The following AGMO variants were observed in gnomAD, a reference collection of about 807,000 sequenced individuals.
AGMO encodes the protein glyceryl-ether monooxygenase.
Under a neutral mutation model 60.2 loss-of-function variants are expected in AGMO, and 75 were observed. The ratio of observed to expected loss-of-function variants is 1.25; its 90% CI spans 1.03 to 1.51. The LOEUF (loss-of-function observed/expected upper bound fraction) is 1.51. AGMO is among the 40% of genes most tolerant of loss of function. AGMO has a pLI of 0.00. For synonymous variants in AGMO, 261 were observed against 177.1 expected, an observed-to-expected ratio of 1.47 and a Z score of -3.76; for missense variants, 763 against 525.5, an observed-to-expected ratio of 1.45 and a Z score of -4.42.
At chr7:15,233,256 T>C (rs1159295559) in intron 12 of AGMO, among the ~76,000 whole-genome samples, 1 of 152,184 alleles carries the variant, frequency 6.6e-6, no homozygotes, top group East Asian at 1.9e-4. Context: ...CATGTTAAAA[T>C]CTGTAAGGTA....
At chr7:15,544,011 A>G (rs1370962154) in intron 3 of AGMO, among the ~76,000 whole-genome samples, 1 of 152,078 alleles carries the variant, frequency 6.6e-6, no homozygotes, top group Non-Finnish European at 1.5e-5. Context: ...AAAATGTGGT[A>G]TATATTTAGC....
intron 3 of AGMO, among the ~76,000 whole-genome samples, chr7:15,449,935 A>T (rs1357562921): frequency 2.6e-5 from 4 of 152,224 alleles, no homozygotes; most frequent in Non-Finnish European, 5.9e-5. Context: ...CTTAAATCAC[A>T]TTTTAAGAGC....
rs541448322 is a variant in AGMO, at chr7:15,413,547, G to A, written c.609+5011C>T. ...AGTCAAACTGCTAATATTTTAAAAG[G>A]AAGAGAAAAATTTTGTAAACATCTA... On this transcript the variant is annotated intron_variant, in intron 5 of 12. Transcript: ENST00000342526. 6.0e-4 allele frequency among the ~76,000 whole-genome samples: 92 copies of A among 152,112 alleles called. 1 individual carries two copies. In the Middle Eastern group the frequency reaches 0.021, roughly 34 times the overall value.
chr7:15,273,484 T>TCTGTTTTGGTAACAGTACCATG (rs1783679839), intron 12 of AGMO, among the ~76,000 whole-genome samples: 1 of 152,164 alleles, frequency 6.6e-6, no homozygotes, highest in Non-Finnish European at 1.5e-5. Context: ...GGTCTGTATC[T>TCTGTTTTGGTAACAGTACCATG]CTGTTTTGGT....
At position 15,371,051 on chromosome 7, in the gene AGMO, T is replaced by TGG. The variant is rs1203962438; in HGVS notation, c.1075-4831_1075-4830dup. 2.0e-5 allele frequency among the ~76,000 whole-genome samples: 3 copies of TGG among 152,158 alleles called. No individual in the cohort carries two copies. The East Asian group carries it at 5.8e-4, about 29-fold the overall frequency. ...ATTCAGTAAGTGGTAGAGGGATAGC[T>TGG]GGCTAGCCATATGCAGAAGAATGAA... On this transcript the variant is annotated intron_variant, in intron 10 of 12. Coordinates refer to ENST00000342526, the MANE Select transcript of AGMO (RefSeq NM_001004320.2).
chr7:15,264,544 G>T (rs1193756334), intron 12 of AGMO, among the ~76,000 whole-genome samples: 1 of 151,796 alleles, frequency 6.6e-6, no homozygotes, highest in Non-Finnish European at 1.5e-5. Flanking sequence ...TCTGACAAAG[G>T]TCTAATATCC....
intron 12 of AGMO, among the ~76,000 whole-genome samples, chr7:15,352,721 T>G (rs1208695258): frequency 8.6e-5 from 13 of 151,764 alleles, no homozygotes; most frequent in Non-Finnish European, 1.9e-4. Flanking sequence ...GTTGACGGTC[T>G]GCCAAATATC....
At chr7:15,450,049 T>A (rs1220942379) in intron 3 of AGMO, among the ~76,000 whole-genome samples, 1 of 152,246 alleles carries the variant, frequency 6.6e-6, no homozygotes, top group Non-Finnish European at 1.5e-5. Context: ...ATCATGCAAC[T>A]TGGTTATTTA....
intron 12 of AGMO, among the ~76,000 whole-genome samples, chr7:15,246,435 A>C (rs1324582433): frequency 2.0e-5 from 3 of 152,180 alleles, no homozygotes; most frequent in Non-Finnish European, 4.4e-5. Context: ...ATTTTTTAAA[A>C]AATTGCCATT....
intron 3 of AGMO, among the ~76,000 whole-genome samples, chr7:15,495,453 A>G (rs1002058431): frequency 1.3e-5 from 2 of 152,176 alleles, no homozygotes; most frequent in African/African-American, 4.8e-5. Flanking sequence ...ATGCCCAGGT[A>G]GTCTTACTAA....
intron 12 of AGMO, among the ~76,000 whole-genome samples, chr7:15,227,023 C>T (rs1394238725): frequency 6.6e-6 from 1 of 151,956 alleles, no homozygotes; most frequent in Non-Finnish European, 1.5e-5. Context: ...CTTGAAAAAT[C>T]CAGACAAACG....
chr7:15,291,208 T>C (rs984951551), intron 12 of AGMO, among the ~76,000 whole-genome samples: 1 of 152,222 alleles, frequency 6.6e-6, no homozygotes, highest in Admixed American at 6.5e-5. Flanking sequence ...AAAATGTTTG[T>C]GGTTAAGTCT....
At chr7:15,238,649 T>G (rs1782497265) in intron 12 of AGMO, among the ~76,000 whole-genome samples, 1 of 151,744 alleles carries the variant, frequency 6.6e-6, no homozygotes, top group Non-Finnish European at 1.5e-5. Context: ...GCAAAAAGGA[T>G]TATATAAATT....
At chr7:15,453,132 C>G (rs900870827) in intron 3 of AGMO, among the ~76,000 whole-genome samples, 1 of 152,022 alleles carries the variant, frequency 6.6e-6, no homozygotes, top group South Asian at 2.1e-4. Context: ...TGAAAATGTT[C>G]TGGAATTAGA....
At position 15,555,282 on chromosome 7, in the gene AGMO, TATATATATATACAC is replaced by T. The variant is rs1040109713; in HGVS notation, c.257+4845_257+4858del. On this transcript the variant is annotated intron_variant, in intron 2 of 12. Transcript: ENST00000342526. ...TAATGTATTGGATCATATATATATA[TATATATATATACAC>T]ACACACACACACACACACACACACA... is the stretch of plus-strand genomic sequence containing the variant. Among the ~76,000 whole-genome samples, 141 of 99,344 alleles carry T rather than the reference TATATATATATACAC, an allele frequency of 1.4e-3. 2 individuals are homozygous for T. The East Asian group carries it at 0.031, about 22-fold the overall frequency. The allele number at this position is 99,344 out of a possible 152,430, so 65.2% of individuals were successfully genotyped here.
chr7:15,229,717 AT>A (rs548104977), intron 12 of AGMO, among the ~76,000 whole-genome samples: 31 of 121,654 alleles, frequency 2.5e-4, no homozygotes, highest in African/African-American at 1.4e-3. Flanking sequence ...TATATATTAT[AT>A]TATATATAAA....
the AGMO span, among the ~76,000 whole-genome samples, chr7:15,176,503 C>T: frequency 6.6e-6 from 1 of 151,808 alleles, no homozygotes. Flanking sequence ...TCAAGAGAAA[C>T]CACAACATGA....
At chr7:15,271,804 T>C (rs1330015467) in intron 12 of AGMO, among the ~76,000 whole-genome samples, 3 of 152,180 alleles carry the variant, frequency 2.0e-5, no homozygotes, top group African/African-American at 7.2e-5. Context: ...GCTGTGGATA[T>C]GTCATATATG....
At chr7:15,420,392 T>C (rs1025995733) in intron 4 of AGMO, among the ~76,000 whole-genome samples, 1 of 152,112 alleles carries the variant, frequency 6.6e-6, no homozygotes, top group Non-Finnish European at 1.5e-5. Context: ...CTAAATCTTA[T>C]ATATCAGTAA....
Sources: gnomAD v4.1 joint callset for allele counts (sites outside exome capture counted in the v4.1 genomes callset) on GRCh38, gnomAD v4.1.1 for gene constraint, MANE v1.5 for transcripts, NCBI Gene and HGNC (gene_info 2026-07-23, HGNC 2026-07-21) for gene names.